NAV3: variants seen among roughly 807,000 people sequenced by gnomAD.
NAV3 encodes neuron navigator 3.
A neutral mutation model predicts 244.7 loss-of-function variants in NAV3; 87 were observed. The observed-to-expected ratio is 0.36, with a 90% CI of 0.30 to 0.42. The LOEUF (loss-of-function observed/expected upper bound fraction) is 0.42, where lower values mean the gene tolerates loss of function less well. NAV3 is among the 20% of genes least tolerant of loss of function. NAV3 has a pLI of 1.00. For missense variants in NAV3, 2,663 were observed against 2,893.3 expected, an observed-to-expected ratio of 0.92 and a Z score of 1.83; for synonymous variants, 1,126 against 1,042.2, an observed-to-expected ratio of 1.08 and a Z score of -1.55.
chr12:78,053,949 ACT>A (rs2137313027), intron 11 of NAV3, among the ~76,000 whole-genome samples: 1 of 152,266 alleles, frequency 6.6e-6, no homozygotes, highest in African/African-American at 2.4e-5. Flanking sequence ...ATATACTCAC[ACT>A]CATGTAGAAT....
At position 78,078,375 on chromosome 12, in the gene NAV3, CTTTTTTTTTTTTTTTTTTTTT is replaced by C. The variant is rs71088356; in HGVS notation, c.2636+19278_2636+19298del. On this transcript the variant is annotated intron_variant, in intron 12 of 39. Transcript: ENST00000397909. ...AGAGTTGCATTTCACTCTTTCCACT[CTTTTTTTTTTTTTTTTTTTTT>C]TTTTTTTTTTTTTTTTTGAGACGGA... Among the ~76,000 whole-genome samples, 133 of 67,840 alleles carry C rather than the reference CTTTTTTTTTTTTTTTTTTTTT, an allele frequency of 2.0e-3. 2 individuals are homozygous for C. The East Asian group carries it at 0.052, about 27-fold the overall frequency. The allele number at this position is 67,840 out of a possible 152,430, so 44.5% of individuals were successfully genotyped here. A position where few individuals can be genotyped will look rare whatever the true frequency, so the allele number is the denominator to read the frequency against.
At chr12:77,769,562 CATAGGAATGTTTGAAG>C in intron 2 of NAV3, among the ~76,000 whole-genome samples, 1 of 152,158 alleles carries the variant, frequency 6.6e-6, no homozygotes, top group East Asian at 1.9e-4. Context: ...CAAACAAAGT[CATAGGAATGTTTGAAG>C]ATACAATTCT....
At chr12:77,837,497 G>A (rs2136133502) in intron 1 of NAV3, among the ~76,000 whole-genome samples, 1 of 152,138 alleles carries the variant, frequency 6.6e-6, no homozygotes, top group Middle Eastern at 3.4e-3. Context: ...CCTCACAATA[G>A]CCTTATGGCA....
chr12:77,893,624 G>A (rs1424412865), intron 1 of NAV3, among the ~76,000 whole-genome samples: 1 of 151,716 alleles, frequency 6.6e-6, no homozygotes, highest in African/African-American at 2.4e-5. Flanking sequence ...GATTGTAATT[G>A]TACGCCAGCT....
At chr12:77,935,319 T>C (rs941542204) in intron 1 of NAV3, among the ~76,000 whole-genome samples, 1 of 152,136 alleles carries the variant, frequency 6.6e-6, no homozygotes, top group South Asian at 2.1e-4. Context: ...TCAAAAGAAA[T>C]ATGGTATCAT....
In NAV3 at chr12:77,731,282, A is replaced by G. The variant is rs937114747; in HGVS notation, c.72+159016A>G. 7.9e-5 allele frequency among the ~76,000 whole-genome samples: 12 copies of G among 152,082 alleles called. No individual in the cohort carries two copies. In the East Asian group the frequency reaches 2.3e-3, roughly 29 times the overall value. ...ATTCCAGGGGAAGGTCTTTCAGAGAAAAAAGATAAGTTGCAATAATGGATT... is the reference window on the plus strand; with the variant it reads ...ATTCCAGGGGAAGGTCTTTCAGAGAGAAAAGATAAGTTGCAATAATGGATT... On this transcript the variant is annotated intron_variant, in intron 2 of 8. Coordinates refer to the NAV3 transcript ENST00000550042.
intron 20 of NAV3, among the ~76,000 whole-genome samples, chr12:78,145,600 C>T (rs1479051980): frequency 6.6e-6 from 1 of 152,116 alleles, no homozygotes; most frequent in Non-Finnish European, 1.5e-5. Flanking sequence ...CATTTTCTGG[C>T]ATTTTGCAGC....
chr12:77,637,680 C>G (rs1681440894), intron 2 of NAV3, among the ~76,000 whole-genome samples: 1 of 152,130 alleles, frequency 6.6e-6, no homozygotes, highest in South Asian at 2.1e-4. Flanking sequence ...GAATTTACAT[C>G]TAAGCTAATT....
rs779085012 is a variant in NAV3, at chr12:78,122,133, C to G, written c.3943C>G (p.Pro1315Ala). 2.5e-6 allele frequency: 4 copies of G among 1,614,154 alleles called. No individual in the cohort carries two copies. In the South Asian group the frequency reaches 4.4e-5, roughly 18 times the overall value. The change falls in exon 16 of 40, where the codon CCC (proline) becomes GCC (alanine). Residue 1315 changes from proline to alanine, a missense_variant. Physicochemically the swap from Pro to Ala is conservative, Grantham distance 27. Transcript: ENST00000397909. ...CAGCAGCAGCCCTCTCTTCAATAAACCCTCAGACTTAACTACAGATGTTAT... is the reference window on the plus strand; with the variant it reads ...CAGCAGCAGCCCTCTCTTCAATAAAGCCTCAGACTTAACTACAGATGTTAT... ...SGSSSPLFNK[P>A]SDLTTDVISL...
At chr12:78,047,997 T>C (rs1048526692) in intron 9 of NAV3, among the ~76,000 whole-genome samples, 1 of 152,190 alleles carries the variant, frequency 6.6e-6, no homozygotes, top group African/African-American at 2.4e-5. Context: ...CCTCTATCTA[T>C]TTGGCTATTT....
At chr12:77,907,416 A>G (rs888447241) in intron 1 of NAV3, among the ~76,000 whole-genome samples, 2 of 152,118 alleles carry the variant, frequency 1.3e-5, no homozygotes, top group African/African-American at 2.4e-5. Context: ...TAACCTTCTC[A>G]TGTCTCAAGA....
chr12:77,794,692 C>T (rs1871328524), intron 2 of NAV3, among the ~76,000 whole-genome samples: 1 of 152,126 alleles, frequency 6.6e-6, no homozygotes, highest in South Asian at 2.1e-4. Context: ...ACAGCATGTG[C>T]TCACTTTTGT....
chr12:78,092,704 G>T (rs1954022585), intron 12 of NAV3, among the ~76,000 whole-genome samples: 2 of 151,978 alleles, frequency 1.3e-5, no homozygotes, highest in South Asian at 4.2e-4. Flanking sequence ...GTTTCACTGT[G>T]TTAGCCAGGA....
Position 77,590,762 on chromosome 12 carries a change from A to T in NAV3, c.72+18496A>T, listed in dbSNP as rs573147627. Among the ~76,000 whole-genome samples the T allele has an allele frequency of 2.0e-5, 3 of 152,370 alleles. No individual in the cohort carries two copies. The South Asian group carries it at 6.2e-4, about 32-fold the overall frequency. Reference sequence around the variant, plus strand: ...ATAAAAGCTTAAAAATAATTTGTGTATAGACACAGGTTTTTATAGTTATTA... The same window carrying T: ...ATAAAAGCTTAAAAATAATTTGTGTTTAGACACAGGTTTTTATAGTTATTA... On this transcript the variant is annotated intron_variant, in intron 2 of 8. Transcript: ENST00000550042.
At chr12:77,840,092 T>C (rs1021871069) in intron 1 of NAV3, among the ~76,000 whole-genome samples, 82 of 151,858 alleles carry the variant, frequency 5.4e-4, no homozygotes, top group African/African-American at 1.9e-3. Context: ...AAAATAAAAA[T>C]AAAGAATGAA....
intron 1 of NAV3, among the ~76,000 whole-genome samples, chr12:77,874,825 GC>G (rs1881611112): frequency 6.6e-6 from 1 of 152,012 alleles, no homozygotes; most frequent in Non-Finnish European, 1.5e-5. Context: ...AATGAATTAA[GC>G]ATCAGAGACA....
chr12:77,776,738 A>G (rs1463217884), intron 2 of NAV3, among the ~76,000 whole-genome samples: 1 of 152,126 alleles, frequency 6.6e-6, no homozygotes, highest in Non-Finnish European at 1.5e-5. Flanking sequence ...ACGAATATGC[A>G]GGGAGGCCGA....
intron 3 of NAV3, among the ~76,000 whole-genome samples, chr12:77,949,183 A>G (rs951977766): frequency 6.6e-6 from 1 of 152,060 alleles, no homozygotes; most frequent in African/African-American, 2.4e-5. Flanking sequence ...ACATAAAAAC[A>G]TACAAATTTA....
chr12:77,950,185 G>A (rs1455257398), intron 3 of NAV3, among the ~76,000 whole-genome samples: 2 of 152,068 alleles, frequency 1.3e-5, no homozygotes, highest in Admixed American at 1.3e-4. Flanking sequence ...ACTAATAAGT[G>A]TGATTGATGG....
Sources: gnomAD v4.1 joint callset for allele counts (sites outside exome capture counted in the v4.1 genomes callset) on GRCh38, gnomAD v4.1.1 for gene constraint, MANE v1.5 for transcripts, NCBI Gene and HGNC (gene_info 2026-07-23, HGNC 2026-07-21) for gene names.